Variants in CRYL1 observed in about 807,000 individuals in gnomAD.
CRYL1 encodes the protein crystallin lambda 1.
Under a neutral mutation model 36.6 loss-of-function variants are expected in CRYL1, and 29 were observed. That is an observed-to-expected ratio of 0.79 (90% CI 0.59 to 1.08). CRYL1 has a LOEUF of 1.08. Among genes scored for constraint, CRYL1 ranks in the 50% least tolerant of loss-of-function variants. The pLI is 0.00. For missense variants in CRYL1, 411 were observed against 407.9 expected (o/e 1.01, Z -0.06); for synonymous variants, 152 against 151.5 (o/e 1.00, Z -0.02).
intron 2 of CRYL1, among the ~76,000 whole-genome samples, chr13:20,507,666 C>T (rs1276609483): frequency 1.3e-5 from 2 of 152,210 alleles, no homozygotes; most frequent in African/African-American, 4.8e-5. Flanking sequence ...CACCTGTAAT[C>T]CCAGCACTTT....
intron 2 of CRYL1, among the ~76,000 whole-genome samples, chr13:20,489,842 C>A (rs1033122833): frequency 6.6e-6 from 1 of 152,138 alleles, no homozygotes; most frequent in Non-Finnish European, 1.5e-5. Flanking sequence ...TTTTTGTACA[C>A]CCATGTGCAC....
chr13:20,497,594 C>G (rs1334724418), intron 2 of CRYL1, among the ~76,000 whole-genome samples: 1 of 150,696 alleles, frequency 6.6e-6, no homozygotes, highest in African/African-American at 2.4e-5. Flanking sequence ...ATATGCACCA[C>G]ACACACCACA....
intron 5 of CRYL1, among the ~76,000 whole-genome samples, chr13:20,421,768 T>TA (rs1312016272): frequency 2.3e-4 from 34 of 147,406 alleles, no homozygotes; most frequent in African/African-American, 8.0e-4. Flanking sequence ...TAGAAGGTGT[T>TA]ATAGTAACAG....
chr13:20,503,329 T>C (rs1375057201), intron 2 of CRYL1, among the ~76,000 whole-genome samples: 1 of 151,890 alleles, frequency 6.6e-6, no homozygotes, highest in Non-Finnish European at 1.5e-5. Context: ...TTAATAATTT[T>C]GGCTGGCTCA....
chr13:20,497,058 G>A (rs1344703522), intron 2 of CRYL1, among the ~76,000 whole-genome samples: 4 of 152,096 alleles, frequency 2.6e-5, no homozygotes, highest in Admixed American at 1.3e-4. Flanking sequence ...CGTGGAAAAG[G>A]TCAGAATCTG....
At chr13:20,487,541 T>C (rs2033424645) in intron 3 of CRYL1, among the ~76,000 whole-genome samples, 1 of 152,218 alleles carries the variant, frequency 6.6e-6, no homozygotes, top group Admixed American at 6.5e-5. Flanking sequence ...TTCTGTGAAA[T>C]GTGAAAGTAG....
At chr13:20,510,176 T>C (rs997417264) in intron 2 of CRYL1, among the ~76,000 whole-genome samples, 4 of 152,060 alleles carry the variant, frequency 2.6e-5, no homozygotes, top group African/African-American at 4.8e-5. Flanking sequence ...CCCAAAGGAG[T>C]TGGAAACTTA....
intron 3 of CRYL1, among the ~76,000 whole-genome samples, chr13:20,449,928 C>T (rs1291593077): frequency 1.3e-5 from 2 of 152,016 alleles, no homozygotes; most frequent in Non-Finnish European, 2.9e-5. Flanking sequence ...AAAACACTGC[C>T]ACAAGAAATC....
At chr13:20,451,549 A>G (rs1487525010) in intron 3 of CRYL1, among the ~76,000 whole-genome samples, 2 of 152,182 alleles carry the variant, frequency 1.3e-5, no homozygotes, top group African/African-American at 4.8e-5. Flanking sequence ...TCACATCACT[A>G]ATGATCAGAG....
intron 2 of CRYL1, 61 bp from the exon 3 acceptor site, chr13:20,489,557 A>T: frequency 4.4e-6 from 7 of 1,591,406 alleles, no homozygotes; most frequent in Non-Finnish European, 6.0e-6. Flanking sequence ...AAACAGATAA[A>T]GCCCAACATC....
intron 2 of CRYL1, among the ~76,000 whole-genome samples, chr13:20,504,996 G>GAATAA (rs2033766965): frequency 6.6e-6 from 1 of 152,050 alleles, no homozygotes; most frequent in Non-Finnish European, 1.5e-5. Flanking sequence ...AACACACACA[G>GAATAA]AATATTCATG....
chr13:20,487,588 A>G (rs534120932), intron 3 of CRYL1, among the ~76,000 whole-genome samples: 17 of 152,318 alleles, frequency 1.1e-4, no homozygotes, highest in African/African-American at 3.6e-4. Flanking sequence ...TAATATTTCA[A>G]TCACATTATA....
intron 5 of CRYL1, among the ~76,000 whole-genome samples, chr13:20,429,161 C>T (rs2031998748): frequency 6.6e-6 from 1 of 152,216 alleles, no homozygotes; most frequent in East Asian, 1.9e-4. Flanking sequence ...AGAAGCTCTG[C>T]AAGGCCTTTG....
rs1415779899 is a variant in CRYL1, at chr13:20,460,626, C to T, written c.277-20872G>A. Among the ~76,000 whole-genome samples, 18 of 149,468 alleles carry T rather than the reference C, an allele frequency of 1.2e-4. No individual in the cohort carries two copies. The East Asian group carries it at 2.6e-3, about 21-fold the overall frequency. ...CTGCAAGCTCCGCCACCCGGGTTCA[C>T]GCCATTCTCCTGCCTCAGCCTCCCA... On this transcript the variant is annotated intron_variant, in intron 3 of 7. Transcript: ENST00000298248.
chr13:20,404,797 T>C, intron 6 of CRYL1, 56 bp from the exon 7 acceptor site: 2 of 1,224,494 alleles, frequency 1.6e-6, no homozygotes, highest in Middle Eastern at 1.9e-4. Context: ...TTCTTAGTTA[T>C]ATTCAAACTC....
intron 3 of CRYL1, 97 bp downstream of exon 3, chr13:20,489,273 C>A: frequency 6.8e-7 from 1 of 1,468,844 alleles, no homozygotes; most frequent in Non-Finnish European, 9.2e-7. Flanking sequence ...AAAATGCCCA[C>A]ACCTGCCACT....
intron 6 of CRYL1, among the ~76,000 whole-genome samples, chr13:20,407,746 CAA>C (rs1321713254): frequency 6.6e-6 from 1 of 152,136 alleles, no homozygotes; most frequent in Non-Finnish European, 1.5e-5. Context: ...CAGAAAAAGA[CAA>C]AGAGTAGAAA....
At chr13:20,456,656 AACACAC>A (rs35160798) in intron 3 of CRYL1, among the ~76,000 whole-genome samples, 3 of 142,814 alleles carry the variant, frequency 2.1e-5, no homozygotes, top group East Asian at 2.1e-4. Context: ...CGATTCTTAA[AACACAC>A]ACACACACAC....
At position 20,498,480 on chromosome 13, in the gene CRYL1, C is replaced by T. The variant is rs182280797; in HGVS notation, c.150-8984G>A. Among the ~76,000 whole-genome samples, 420 of 152,234 alleles carry T rather than the reference C, an allele frequency of 2.8e-3. 12 individuals carry two copies. The South Asian group carries it at 0.067, about 24-fold the overall frequency. Reference sequence around the variant, plus strand: ...AAAGCCAGTGTCTAGGCCCGTGTGTCGGAATAACAGGGTTTTCTTGGAGCA... The same window carrying T: ...AAAGCCAGTGTCTAGGCCCGTGTGTTGGAATAACAGGGTTTTCTTGGAGCA... On this transcript the variant is annotated intron_variant, in intron 2 of 7. Transcript: ENST00000298248.
Sources: allele counts gnomAD v4.1 joint callset (sites outside exome capture counted in the v4.1 genomes callset), GRCh38; gene constraint gnomAD v4.1.1; transcripts MANE v1.5; gene names NCBI Gene and HGNC (gene_info 2026-07-23, HGNC 2026-07-21).